The following RIMBP2 variants were observed in gnomAD, a reference collection of about 807,000 sequenced individuals.
The protein encoded by RIMBP2 is RIMS-binding protein 2.
Under a neutral mutation model 118.6 loss-of-function variants are expected in RIMBP2, and 48 were observed. The observed-to-expected ratio is 0.40, with a 90% CI of 0.32 to 0.51. RIMBP2 has a LOEUF of 0.51. RIMBP2 is among the 20% of genes least tolerant of loss of function. The pLI is 0.41. For missense variants in RIMBP2, 1,551 were observed against 1,768.3 expected (o/e 0.88, Z 2.20); for synonymous variants, 762 against 742.9 (o/e 1.03, Z -0.42).
chr12:130,474,986 C>T (rs1414218467), intron 5 of RIMBP2, among the ~76,000 whole-genome samples: 1 of 152,178 alleles, frequency 6.6e-6, no homozygotes. Context: ...AGCTCTTGCT[C>T]CCGGTCTCCA....
At chr12:130,534,278 T>C (rs1439700392) in intron 2 of RIMBP2, among the ~76,000 whole-genome samples, 1 of 116,938 alleles carries the variant, frequency 8.6e-6, no homozygotes, top group Admixed American at 8.8e-5. Flanking sequence ...GTGGGAGGGG[T>C]GGATGATGAA....
chr12:130,524,188 A>G (rs2052499317), intron 2 of RIMBP2, among the ~76,000 whole-genome samples: 1 of 152,216 alleles, frequency 6.6e-6, no homozygotes, highest in Admixed American at 6.5e-5. Context: ...CATGGTAATT[A>G]ACCCACCACG....
Position 130,424,895 on chromosome 12 carries a change from G to C in RIMBP2, c.2413-37C>G. On this transcript the variant is annotated intron_variant, in intron 15 of 22. Coordinates refer to ENST00000690449, the MANE Select transcript of RIMBP2 (RefSeq NM_001393629.1). This position sits in a 1 kb window ranked among gnomAD's most constrained non-coding sequence, Gnocchi z 9.8. ...GTGTGTCAAGAACAGGCGCGGGAAA[G>C]AGTGTGTGGTCAGCATGAAGTGGGG... 8.4e-7 allele frequency: 1 copy of C among 1,183,668 alleles called. No homozygotes were observed. The allele number at this position is 1,183,668 out of a possible 1,614,324, so 73.3% of individuals were successfully genotyped here.
chr12:130,526,288 T>A lies in RIMBP2; in HGVS notation c.-216-8371A>T, dbSNP rs189537072. Among the ~76,000 whole-genome samples the A allele has an allele frequency of 4.6e-5, 7 of 152,266 alleles. No homozygotes were observed. The East Asian group carries it at 1.3e-3, about 29-fold the overall frequency. ...ACATTTGGGTTTGTGGGCCCTCCTG[T>A]GCCGGCCTGAAGAATCACCGTATTG... On this transcript the variant is annotated intron_variant, in intron 2 of 22. Transcript: ENST00000690449.
intron 1 of RIMBP2, among the ~76,000 whole-genome samples, chr12:130,665,291 G>A (rs1012113340): frequency 1.3e-5 from 2 of 151,532 alleles, no homozygotes; most frequent in Non-Finnish European, 2.9e-5. Context: ...TTGGGAGGCC[G>A]AGGTGGGTGG....
At chr12:130,608,731 C>T (rs2060334096) in intron 2 of RIMBP2, among the ~76,000 whole-genome samples, 1 of 152,196 alleles carries the variant, frequency 6.6e-6, no homozygotes, top group Non-Finnish European at 1.5e-5. Flanking sequence ...ATATACATAC[C>T]TTGTGGAATG....
At chr12:130,656,800 TTGGGAGGCTGAGGTGGCAGGA>T (rs2063449266) in intron 1 of RIMBP2, among the ~76,000 whole-genome samples, 1 of 151,882 alleles carries the variant, frequency 6.6e-6, no homozygotes, top group African/African-American at 2.4e-5. Context: ...TCCCAGCTAC[TTGGGAGGCTGAGGTGGCAGGA>T]TGGTTTGAGC....
At chr12:130,645,205 C>G (rs929354865) in intron 1 of RIMBP2, among the ~76,000 whole-genome samples, 1 of 151,982 alleles carries the variant, frequency 6.6e-6, no homozygotes, top group Admixed American at 6.6e-5. Flanking sequence ...GAGAGTCTCC[C>G]GCCTCAGGTC....
intron 1 of RIMBP2, among the ~76,000 whole-genome samples, chr12:130,681,711 T>C (rs1441310723): frequency 6.6e-6 from 1 of 152,224 alleles, no homozygotes; most frequent in African/African-American, 2.4e-5. Flanking sequence ...TTTTTCTTTT[T>C]TTGAGATGAG....
chr12:130,491,279 C>T (rs901649312), intron 4 of RIMBP2, among the ~76,000 whole-genome samples: 3 of 152,164 alleles, frequency 2.0e-5, no homozygotes, highest in African/African-American at 7.2e-5. Context: ...GGTTAAGCAA[C>T]GTGTTCAAGT....
intron 2 of RIMBP2, among the ~76,000 whole-genome samples, chr12:130,586,098 T>G (rs2058864020): frequency 6.6e-6 from 1 of 152,248 alleles, no homozygotes; most frequent in African/African-American, 2.4e-5. Context: ...AAATATTCAC[T>G]AATCTGTCTC....
At chr12:130,611,796 G>A (rs2060572642) in intron 2 of RIMBP2, among the ~76,000 whole-genome samples, 1 of 152,166 alleles carries the variant, frequency 6.6e-6, no homozygotes, top group African/African-American at 2.4e-5. Flanking sequence ...CGGAACCCAT[G>A]TCGACCCATG....
At chr12:130,458,862 TG>T (rs1384412468) in intron 6 of RIMBP2, among the ~76,000 whole-genome samples, 1 of 151,792 alleles carries the variant, frequency 6.6e-6, no homozygotes, top group African/African-American at 2.4e-5. Context: ...CTGGCCAACA[TG>T]GTGAAACTCA....
At position 130,569,251 on chromosome 12, in the gene RIMBP2, C is replaced by A. The variant is rs116435658; in HGVS notation, c.-216-51334G>T. Among the ~76,000 whole-genome samples the A allele has an allele frequency of 4.0e-3, 606 of 152,270 alleles. 4 individuals are homozygous for A. Among genetic ancestry groups the A allele is most frequent in the African/African-American group, 0.014 (590 of 41,560 alleles). On this transcript the variant is annotated intron_variant, in intron 2 of 22. Transcript: ENST00000690449. ...AGCATGACCTCGGTCACGACCTGAA[C>A]GGCAGGCATCGGACTCATGAAGAAA...
intron 1 of RIMBP2, among the ~76,000 whole-genome samples, chr12:130,685,615 G>T (rs1335721597): frequency 6.6e-6 from 1 of 152,112 alleles, no homozygotes; most frequent in East Asian, 1.9e-4. Flanking sequence ...CCGTGTGGCC[G>T]CCGTGGCTCA....
At chr12:130,555,078 G>GA (rs1231426855) in intron 2 of RIMBP2, among the ~76,000 whole-genome samples, 3 of 152,136 alleles carry the variant, frequency 2.0e-5, no homozygotes, top group Admixed American at 6.5e-5. Context: ...ATCTTAGAGA[G>GA]AAAAAACAGA....
intron 2 of RIMBP2, among the ~76,000 whole-genome samples, chr12:130,580,378 T>C (rs140867226): frequency 4.3e-4 from 66 of 152,214 alleles, no homozygotes; most frequent in Middle Eastern, 3.4e-3. Context: ...TGAGGTCTCA[T>C]GGTTTTATGA....
intron 2 of RIMBP2, among the ~76,000 whole-genome samples, chr12:130,567,746 T>C (rs1196601987): frequency 6.6e-6 from 1 of 152,194 alleles, no homozygotes; most frequent in Admixed American, 6.5e-5. Flanking sequence ...TGCCTCTAAG[T>C]CTTAATCATC....
chr12:130,650,000 G>A (rs149834687), intron 1 of RIMBP2, among the ~76,000 whole-genome samples: 3 of 151,972 alleles, frequency 2.0e-5, no homozygotes, highest in Non-Finnish European at 4.4e-5. Context: ...TCAGAGATGA[G>A]GGAGGTGCAG....
Sources: gnomAD v4.1 joint callset for allele counts (sites outside exome capture counted in the v4.1 genomes callset) on GRCh38, gnomAD v4.1.1 for gene constraint, Gnocchi (gnomAD v3.1) non-coding constraint, MANE v1.5 for transcripts, NCBI Gene and HGNC (gene_info 2026-07-23, HGNC 2026-07-21) for gene names.